The following THUMPD1 variants were observed in gnomAD, a reference collection of about 807,000 sequenced individuals.
THUMPD1 encodes THUMP domain-containing protein 1.
Under a neutral mutation model 31.6 loss-of-function variants are expected in THUMPD1, and 31 were observed. The observed-to-expected ratio is 0.98, with a 90% CI of 0.74 to 1.32. The LOEUF (loss-of-function observed/expected upper bound fraction) is 1.32. Ranked by LOEUF, THUMPD1 falls within the 40% of genes most tolerant of loss-of-function variation. The pLI is 0.00. For missense variants in THUMPD1, 446 were observed against 427.8 expected (o/e 1.04, Z -0.38); for synonymous variants, 166 against 158.2 (o/e 1.05, Z -0.37).
intron 1 of THUMPD1, among the ~76,000 whole-genome samples, chr16:20,739,520 C>T (rs1465020571): frequency 1.3e-5 from 2 of 152,018 alleles, no homozygotes; most frequent in Non-Finnish European, 2.9e-5. Context: ...GACACCACAC[C>T]CTTCAAAACG....
intron 3 of THUMPD1, 56 bp downstream of exon 3, chr16:20,737,652 T>C: frequency 2.0e-6 from 3 of 1,528,472 alleles, no homozygotes; most frequent in Middle Eastern, 1.8e-4. Context: ...AAAAAATCCT[T>C]AAAAAACAAG....
At chr16:20,741,440 A>ATCCCTCCACCCT (rs1555483201) in intron 1 of THUMPD1, 69 bp downstream of exon 1, 15 of 1,455,378 alleles carry the variant, frequency 1.0e-5, no homozygotes, top group Middle Eastern at 2.5e-4. Context: ...ACCAGCAGCC[A>ATCCCTCCACCCT]TCCCTCCACC....
intron 1 of THUMPD1, 28 bp downstream of exon 1, chr16:20,741,481 G>GGCCCCCCCCCCCCCC: frequency 7.6e-7 from 1 of 1,308,414 alleles, no homozygotes; most frequent in South Asian, 1.8e-5. Flanking sequence ...CTGGCAGCCG[G>GGCCCCCCCCCCCCCC]CCCGCCCGCC....
At chr16:20,737,313 G>C (rs760202113) in intron 3 of THUMPD1, 27 bp from the exon 4 acceptor site, 3 of 1,578,086 alleles carry the variant, frequency 1.9e-6, no homozygotes, top group Non-Finnish European at 2.6e-6. Flanking sequence ...AAAACACATA[G>C]CTGAGGAGGA....
intron 1 of THUMPD1, 33 bp downstream of exon 1, chr16:20,741,476 A>AGCCG (rs2079921488): frequency 3.6e-6 from 5 of 1,388,840 alleles, no homozygotes; most frequent in Non-Finnish European, 4.8e-6. Flanking sequence ...AAGGCCTGGC[A>AGCCG]GCCGGCCCGC....
intron 1 of THUMPD1, among the ~76,000 whole-genome samples, chr16:20,739,909 A>G (rs1044384805): frequency 1.3e-5 from 2 of 152,154 alleles, no homozygotes; most frequent in Admixed American, 6.5e-5. Flanking sequence ...TTTCAAAAGC[A>G]TCCTGACAGT....
chr16:20,738,626 G>T (rs2079891234), intron 2 of THUMPD1: 1 of 403,198 alleles, frequency 2.5e-6, no homozygotes, highest in East Asian at 4.3e-5. Context: ...AGTAGCAGCT[G>T]CCCCTTATTT....
Position 20,736,651 on chromosome 16 carries a change from C to G in THUMPD1, c.*229G>C, listed in dbSNP as rs1324302294. 8 of 496,932 alleles carry G rather than the reference C, an allele frequency of 1.6e-5. No homozygotes were observed. The highest frequency in any genetic ancestry group is 3.8e-5 in the African/African-American group (2 of 52,326). The allele number at this position is 496,932 out of a possible 1,614,324, so 30.8% of individuals were successfully genotyped here. On this transcript the variant is annotated 3_prime_UTR_variant, in exon 4 of 4. Coordinates refer to ENST00000396083, the MANE Select transcript of THUMPD1 (RefSeq NM_017736.5). Reference sequence around the variant, plus strand: ...GGCCAACATCCCCCTCCTATCCTCCCCTCTTTGCAACAGCAGCACATGGGT... The same window carrying G: ...GGCCAACATCCCCCTCCTATCCTCCGCTCTTTGCAACAGCAGCACATGGGT...
chr16:20,740,270 C>T (rs2079905518), intron 1 of THUMPD1, among the ~76,000 whole-genome samples: 1 of 152,204 alleles, frequency 6.6e-6, no homozygotes, highest in South Asian at 2.1e-4. Context: ...GTGGCACATG[C>T]CTGCAGTCCC....
At chr16:20,741,357 C>CT in intron 1 of THUMPD1, 152 bp downstream of exon 1, 1 of 957,376 alleles carries the variant, frequency 1.0e-6, no homozygotes, top group Non-Finnish European at 1.5e-6. Flanking sequence ...CGTCTCAGGA[C>CT]TAGGGACGGA....
intron 1 of THUMPD1, among the ~76,000 whole-genome samples, chr16:20,741,268 G>A (rs1287743981): frequency 2.0e-5 from 3 of 152,150 alleles, no homozygotes; most frequent in East Asian, 1.9e-4. Context: ...TAAAAGTAAT[G>A]GGAGCTACCG....
chr16:20,738,400 C>G, intron 2 of THUMPD1: 2 of 319,316 alleles, frequency 6.3e-6, no homozygotes, highest in South Asian at 5.5e-5. Flanking sequence ...ATCTCAGACC[C>G]AAGAGGAATC....
At chr16:20,741,355 G>C (rs1266485306) in intron 1 of THUMPD1, among the ~76,000 whole-genome samples, 154 bp downstream of exon 1, 1 of 152,258 alleles carries the variant, frequency 6.6e-6, no homozygotes, top group Non-Finnish European at 1.5e-5. Flanking sequence ...AGCGTCTCAG[G>C]ACTAGGGACG....
chr16:20,740,878 A>T (rs909221698), intron 1 of THUMPD1, among the ~76,000 whole-genome samples: 6 of 152,198 alleles, frequency 3.9e-5, no homozygotes, highest in Non-Finnish European at 7.3e-5. Context: ...CTTCAGGTAA[A>T]CACATTATTA....
Position 20,741,659 on chromosome 16 carries a change from G to A in THUMPD1, c.81C>T (p.Arg27=), listed in dbSNP as rs141494814. ...GCCCGCCAGCGTCGCAGCGCCGAGC[G>A]CGCTTGGCCAGCACATACTGAGCCT... ...KGKAQYVLAK[R]ARRCDAGGPR... Residue 27 remains arginine (R), a synonymous_variant, in exon 1 of 4, where the codon CGC becomes CGT. Transcript: ENST00000396083. 2.5e-6 allele frequency: 4 copies of A among 1,583,532 alleles called. No individual in the cohort carries two copies. Among genetic ancestry groups the A allele is most frequent in the African/African-American group, 2.7e-5 (2 of 74,460 alleles).
chr16:20,741,693 C>T lies in THUMPD1; in HGVS notation c.47G>A (p.Arg16His), dbSNP rs866791857. 6.3e-7 allele frequency: 1 copy of T among 1,578,280 alleles called. No individual in the cohort carries two copies. The highest frequency in any genetic ancestry group is 8.6e-7 in the Non-Finnish European group (1 of 1,162,064). Reference sequence around the variant, plus strand: ...CAGCACATACTGAGCCTTGCCTTTGCGCTTCCCGCCGCCAGGCTGAGTAGT... The same window carrying T: ...CAGCACATACTGAGCCTTGCCTTTGTGCTTCCCGCCGCCAGGCTGAGTAGT... ...QQTTQPGGGK[R>H]KGKAQYVLAK... is the part of the protein sequence containing the mutation. Residue 16 changes from arginine (R) to histidine (H), a missense_variant, in exon 1 of 4, where the codon CGC (arginine) becomes CAC (histidine). Coordinates refer to ENST00000396083, the MANE Select transcript of THUMPD1 (RefSeq NM_017736.5).
chr16:20,741,481 G>GGGGGGGGGCCCCCCCCCCCCCCCCC, intron 1 of THUMPD1, 28 bp downstream of exon 1: 2 of 1,308,414 alleles, frequency 1.5e-6, no homozygotes. Context: ...CTGGCAGCCG[G>GGGGGGGGGCCCCCCCCCCCCCCCCC]CCCGCCCGCC....
chr16:20,737,818 G>A lies in THUMPD1; in HGVS notation c.545C>T (p.Thr182Ile). ...AGCTTTAAACCAGGGTTCCAAAAATGTTTCTGCATATTTTTTCATATCTTC... is the reference window on the plus strand; with the variant it reads ...AGCTTTAAACCAGGGTTCCAAAAATATTTCTGCATATTTTTTCATATCTTC... ...FLEDMKKYAETFLEPWFKAPN... is the reference protein window; with the variant it reads ...FLEDMKKYAEIFLEPWFKAPN... The change falls in exon 3 of 4, where the codon ACA becomes ATA. Residue 182 changes from threonine to isoleucine, a missense_variant. By Grantham distance (89) the Thr-to-Ile change is moderately conservative. Coordinates refer to ENST00000396083, the MANE Select transcript of THUMPD1 (RefSeq NM_017736.5). 1 of 1,613,890 alleles carries A rather than the reference G, an allele frequency of 6.2e-7. No homozygotes were observed. The highest frequency in any genetic ancestry group is 1.1e-5 in the South Asian group (1 of 91,078).
chr16:20,737,098 C>G lies in THUMPD1; in HGVS notation c.844G>C (p.Gly282Arg), dbSNP rs572673795. The stretch of plus-strand genomic sequence containing the variant: ...TCCAGTTTAGCTTCTTTCCCATTTC[C>G]CTGCTTTGAGTTAAGCTGTGACGGA... ...KDPSQLNSKQ[G>R]NGKEAKLESA... Residue 282 changes from glycine (G) to arginine (R), a missense_variant, in exon 4 of 4, where the codon GGA becomes CGA. Physicochemically the swap from Gly to Arg is moderately radical, Grantham distance 125. Coordinates refer to ENST00000396083, the MANE Select transcript of THUMPD1 (RefSeq NM_017736.5). The G allele has an allele frequency of 8.1e-6, 13 of 1,614,026 alleles. No individual in the cohort carries two copies. In the Admixed American group the frequency reaches 1.7e-4, roughly 21 times the overall value.
Sources: allele counts gnomAD v4.1 joint callset (sites outside exome capture counted in the v4.1 genomes callset), GRCh38; gene constraint gnomAD v4.1.1; transcripts MANE v1.5; gene names NCBI Gene and HGNC (gene_info 2026-07-23, HGNC 2026-07-21).